Variants in RRBP1 observed in about 807,000 individuals in gnomAD.
RRBP1 encodes the protein ribosome-binding protein 1.
In RRBP1, 94 loss-of-function variants were observed where a neutral mutation model predicts 165.2. The observed-to-expected ratio is 0.57, with a 90% confidence interval of 0.48 to 0.68. RRBP1 has a LOEUF of 0.68. Among genes scored for constraint, RRBP1 ranks in the 30% least tolerant of loss-of-function variants. The pLI, the probability that RRBP1 is intolerant of heterozygous loss-of-function variation, is 0.00. For missense variants in RRBP1, 1,676 were observed against 1,763.0 expected (o/e 0.95, Z 0.88); for synonymous variants, 680 against 714.5 (o/e 0.95, Z 0.77).
rs2035875327 is a variant in RRBP1, at chr20:17,619,907, G to C, written c.3580-179C>G. The C allele has an allele frequency of 7.1e-6, 4 of 560,412 alleles. No individual in the cohort carries two copies. The East Asian group carries it at 1.2e-4, about 17-fold the overall frequency. The allele number at this position is 560,412 out of a possible 1,614,324, so 34.7% of individuals were successfully genotyped here. On this transcript the variant is annotated intron_variant, in intron 18 of 24. Coordinates refer to ENST00000377813, the MANE Select transcript of RRBP1 (RefSeq NM_001365613.2). ...GGCAAGAGAACCCCTTACGGAAAGTGGCAGGCTGCACCCGGGCACTCCTGG... is the reference window on the plus strand; with the variant it reads ...GGCAAGAGAACCCCTTACGGAAAGTCGCAGGCTGCACCCGGGCACTCCTGG...
chr20:17,647,905 C>T (rs1203291896), intron 3 of RRBP1, among the ~76,000 whole-genome samples: 7 of 152,192 alleles, frequency 4.6e-5, no homozygotes, highest in African/African-American at 4.8e-5. Flanking sequence ...GCAATCTTGG[C>T]GTGCCTTCCA....
intron 12 of RRBP1, 140 bp from the exon 13 acceptor site, chr20:17,624,808 C>A: frequency 1.5e-6 from 1 of 655,916 alleles, no homozygotes; most frequent in Non-Finnish European, 2.7e-6. Context: ...GACAAAATGC[C>A]CCTTCCTTGG....
At chr20:17,649,976 C>T (rs2036527186) in intron 3 of RRBP1, among the ~76,000 whole-genome samples, 1 of 152,068 alleles carries the variant, frequency 6.6e-6, no homozygotes, top group South Asian at 2.1e-4. Flanking sequence ...TTCTGGAGGC[C>T]TCAGAAGAGC....
intron 11 of RRBP1, 139 bp downstream of exon 11, chr20:17,627,209 T>TG: frequency 1.3e-6 from 1 of 789,962 alleles, no homozygotes. Flanking sequence ...CACCGGAGGA[T>TG]GGGGGAGGGA....
At chr20:17,629,010 G>A (rs1199727662) in intron 9 of RRBP1, among the ~76,000 whole-genome samples, 1 of 151,960 alleles carries the variant, frequency 6.6e-6, no homozygotes, top group Non-Finnish European at 1.5e-5. Context: ...GGTGTTAACG[G>A]GCACTTTTGC....
intron 3 of RRBP1, 66 bp downstream of exon 3, chr20:17,658,530 A>C: frequency 2.1e-6 from 3 of 1,396,566 alleles, no homozygotes; most frequent in South Asian, 1.4e-5. Flanking sequence ...GCACTCCCCG[A>C]GAGAATCCAT....
In RRBP1 at chr20:17,614,111, G is replaced by GCC; in HGVS notation, c.*70_*71insGG. 1 of 1,484,940 alleles carries GCC rather than the reference G, an allele frequency of 6.7e-7. No homozygotes were observed. Among genetic ancestry groups the GCC allele is most frequent in the Non-Finnish European group, 9.4e-7 (1 of 1,062,832 alleles). The allele number at this position is 1,484,940 out of a possible 1,614,324, so 92.0% of individuals were successfully genotyped here. A position where few individuals can be genotyped will look rare whatever the true frequency, so the allele number is the denominator to read the frequency against. Reference sequence around the variant, plus strand: ...CTGGATAACGCTGTGTAGGTTGGTTGGTTTATTTGTAAGGAATGTGTAAGG... The same window carrying GCC: ...CTGGATAACGCTGTGTAGGTTGGTTGCCGTTTATTTGTAAGGAATGTGTAAGG... On this transcript the variant is annotated 3_prime_UTR_variant, in exon 25 of 25. Coordinates refer to ENST00000377813, the MANE Select transcript of RRBP1 (RefSeq NM_001365613.2).
At chr20:17,616,203 C>T (rs1415600337) in intron 21 of RRBP1, among the ~76,000 whole-genome samples, 194 bp from the exon 22 acceptor site, 1 of 152,150 alleles carries the variant, frequency 6.6e-6, no homozygotes, top group Non-Finnish European at 1.5e-5. Context: ...CTGATGGGGC[C>T]TCTGCAACCT....
chr20:17,620,935 G>C, intron 16 of RRBP1, 128 bp from the exon 17 acceptor site: 1 of 684,742 alleles, frequency 1.5e-6, no homozygotes, highest in South Asian at 1.8e-5. Flanking sequence ...GAGCGCCAGC[G>C]TTAGGTGGGG....
intron 2 of RRBP1, among the ~76,000 whole-genome samples, chr20:17,673,151 T>A (rs1207192721): frequency 1.3e-5 from 2 of 152,264 alleles, no homozygotes; most frequent in Non-Finnish European, 2.9e-5. Flanking sequence ...ATGTGTGTCA[T>A]ATTTCCTTGG....
chr20:17,666,355 A>AAG (rs2036867032), intron 2 of RRBP1, among the ~76,000 whole-genome samples: 1 of 151,852 alleles, frequency 6.6e-6, no homozygotes, highest in Non-Finnish European at 1.5e-5. Context: ...AAAAAAAAAA[A>AAG]AGTTTTCTTC....
intron 2 of RRBP1, among the ~76,000 whole-genome samples, chr20:17,667,708 A>G (rs1375415240): frequency 1.3e-5 from 2 of 152,234 alleles, no homozygotes; most frequent in Non-Finnish European, 2.9e-5. Flanking sequence ...GGTTCCGGAT[A>G]GCTGACACTT....
At chr20:17,655,267 G>A (rs1033283826) in intron 3 of RRBP1, among the ~76,000 whole-genome samples, 3 of 152,202 alleles carry the variant, frequency 2.0e-5, no homozygotes, top group Non-Finnish European at 4.4e-5. Context: ...GGGCTCAAGT[G>A]ATCTTCCCAG....
At chr20:17,666,680 T>C (rs1278993365) in intron 2 of RRBP1, among the ~76,000 whole-genome samples, 2 of 152,256 alleles carry the variant, frequency 1.3e-5, no homozygotes, top group Non-Finnish European at 1.5e-5. Flanking sequence ...CTGAGAACTC[T>C]GATGCAGTGC....
chr20:17,627,481 G>T (rs561142952), intron 10 of RRBP1, 23 bp downstream of exon 10: 8 of 1,605,278 alleles, frequency 5.0e-6, no homozygotes, highest in Non-Finnish European at 6.8e-6. Flanking sequence ...TTTCCTCCCC[G>T]TGGCCCCAGG....
Position 17,658,591 on chromosome 20 carries a change from C to G in RRBP1, c.1912+5G>C. ...TCTAAGTTCATAAAGAAATCAGTTA[C>G]TTACCAGGCTCACCTTTTTTCTTTG... On this transcript the variant is annotated splice_donor_5th_base_variant and intron_variant, in intron 3 of 24. Transcript: ENST00000377813. 6.3e-7 allele frequency: 1 copy of G among 1,579,722 alleles called. No homozygotes were observed. Among genetic ancestry groups the G allele is most frequent in the Non-Finnish European group, 8.6e-7 (1 of 1,165,904 alleles).
intron 23 of RRBP1, 144 bp downstream of exon 23, chr20:17,615,287 C>T (rs896784329): frequency 1.4e-5 from 9 of 636,822 alleles, no homozygotes; most frequent in Non-Finnish European, 2.4e-5. Flanking sequence ...ACCCCAGCCC[C>T]GGGTAGTGAC....
At chr20:17,680,292 T>C (rs2037156468) in intron 1 of RRBP1, among the ~76,000 whole-genome samples, 1 of 152,184 alleles carries the variant, frequency 6.6e-6, no homozygotes, top group South Asian at 2.1e-4. Flanking sequence ...ACATTCGCAG[T>C]TGTTCTTCCT....
chr20:17,631,903 C>T (rs1011568599), intron 8 of RRBP1, among the ~76,000 whole-genome samples: 3 of 152,246 alleles, frequency 2.0e-5, no homozygotes, highest in African/African-American at 7.2e-5. Context: ...ACATTTTCTA[C>T]AACCTCAACC....
Sources: gnomAD v4.1 joint callset for allele counts (sites outside exome capture counted in the v4.1 genomes callset) on GRCh38, gnomAD v4.1.1 for gene constraint, MANE v1.5 for transcripts, NCBI Gene and HGNC (gene_info 2026-07-23, HGNC 2026-07-21) for gene names.